The following HCRTR2 variants were observed in gnomAD, a reference collection of about 807,000 sequenced individuals.
HCRTR2 encodes orexin receptor type 2.
In HCRTR2, 22 loss-of-function variants were observed where a neutral mutation model predicts 49.0. That is an observed-to-expected ratio of 0.45 (90% CI 0.32 to 0.64). The LOEUF (loss-of-function observed/expected upper bound fraction) is 0.64. Among genes scored for constraint, HCRTR2 ranks in the 30% least tolerant of loss-of-function variants. The pLI, the probability that HCRTR2 is intolerant of heterozygous loss-of-function variation, is 0.04. For synonymous variants in HCRTR2, 236 were observed against 205.3 expected (o/e 1.15, Z -1.28); for missense variants, 491 against 559.4 (o/e 0.88, Z 1.23).
rs80067024 is a variant in HCRTR2, at chr6:55,140,099, T to C, written c.-378+33554T>C. On this transcript the variant is annotated intron_variant, in intron 1 of 7. Transcript: ENST00000615358. ...TATTCCTGGGCACCCTGACCTCTTA[T>C]TGAGACCAGCTGAAAAGAAAAAGGA... Among the ~76,000 whole-genome samples, 4 of 152,284 alleles carry C rather than the reference T, an allele frequency of 2.6e-5. No individual in the cohort carries two copies. The East Asian group carries it at 7.7e-4, about 29-fold the overall frequency.
intron 1 of HCRTR2, among the ~76,000 whole-genome samples, chr6:55,117,750 C>T (rs1764137784): frequency 8.5e-6 from 1 of 117,490 alleles, no homozygotes. Context: ...AGGTTTTAGC[C>T]AACATGCTGC....
intron 1 of HCRTR2, among the ~76,000 whole-genome samples, chr6:55,119,416 T>A (rs1764164728): frequency 6.6e-6 from 1 of 152,148 alleles, no homozygotes. Flanking sequence ...AAAGCATTCC[T>A]ATTTCTCCAC....
In HCRTR2 at chr6:55,260,951, A is replaced by C. The variant is rs1221540385; in HGVS notation, c.647-2756A>C. Among the ~76,000 whole-genome samples, 3 of 152,324 alleles carry C rather than the reference A, an allele frequency of 2.0e-5. No individual in the cohort carries two copies. In the South Asian group the frequency reaches 6.2e-4, roughly 32 times the overall value. ...TGAAGTAATGAAAAGAATAAAATAC[A>C]TAGAGGTAATAGCATTATTCCTCAA... is the stretch of plus-strand genomic sequence containing the variant. On this transcript the variant is annotated intron_variant, in intron 3 of 6. Coordinates refer to ENST00000370862, the MANE Select transcript of HCRTR2 (RefSeq NM_001384272.1).
chr6:55,205,958 T>C (rs1354139484), intron 1 of HCRTR2, among the ~76,000 whole-genome samples: 1 of 152,076 alleles, frequency 6.6e-6, no homozygotes, highest in Non-Finnish European at 1.5e-5. Context: ...CATAAATATA[T>C]ACATCTACTA....
intron 3 of HCRTR2, among the ~76,000 whole-genome samples, chr6:55,256,058 A>G (rs895917373): frequency 2.0e-5 from 3 of 152,178 alleles, no homozygotes; most frequent in African/African-American, 7.2e-5. Context: ...AAATTCTTAG[A>G]GTCAGTCTGA....
intron 1 of HCRTR2, among the ~76,000 whole-genome samples, chr6:55,135,890 G>A (rs1450254395): frequency 6.6e-6 from 1 of 152,132 alleles, no homozygotes; most frequent in Non-Finnish European, 1.5e-5. Flanking sequence ...AGGAAATTTG[G>A]TGATAACTTG....
chr6:55,246,571 A>G (rs1399790300), intron 1 of HCRTR2, among the ~76,000 whole-genome samples: 1 of 152,062 alleles, frequency 6.6e-6, no homozygotes, highest in Admixed American at 6.6e-5. Flanking sequence ...AGCCCTGTCA[A>G]ATAGAGGTTG....
chr6:55,177,386 T>A (rs2127270758), intron 1 of HCRTR2, among the ~76,000 whole-genome samples: 1 of 152,332 alleles, frequency 6.6e-6, no homozygotes, highest in East Asian at 1.9e-4. Context: ...CACAGACAAC[T>A]TCCTGCTCTT....
chr6:55,229,955 G>A (rs558841211), intron 1 of HCRTR2, among the ~76,000 whole-genome samples: 42 of 152,226 alleles, frequency 2.8e-4, no homozygotes, highest in Admixed American at 2.1e-3. Context: ...TACACACACC[G>A]CTTCACAGGC....
Position 55,174,579 on chromosome 6 carries a change from G to A in HCRTR2, c.-9G>A, listed in dbSNP as rs374161159. 37 of 1,611,358 alleles carry A rather than the reference G, an allele frequency of 2.3e-5. No individual in the cohort carries two copies. The highest frequency in any genetic ancestry group is 2.7e-5 in the Non-Finnish European group (32 of 1,177,724). The stretch of plus-strand genomic sequence containing the variant: ...TGCAGCATTGAGCGGAACCGGACTT[G>A]AGCCCGTGATGTCCGGCACCAAATT... On this transcript the variant is annotated 5_prime_UTR_variant, in exon 1 of 7. Transcript: ENST00000370862.
intron 1 of HCRTR2, among the ~76,000 whole-genome samples, chr6:55,152,948 C>A (rs1031047071): frequency 1.3e-5 from 2 of 151,952 alleles, no homozygotes; most frequent in African/African-American, 2.4e-5. Flanking sequence ...GGTGTCATAT[C>A]CAAGAAATCA....
At chr6:55,152,377 T>A (rs1168947843) in intron 1 of HCRTR2, among the ~76,000 whole-genome samples, 1 of 152,032 alleles carries the variant, frequency 6.6e-6, no homozygotes. Context: ...TATGTTTTCT[T>A]GAAAAATTAT....
chr6:55,147,273 A>G (rs1764607853), intron 1 of HCRTR2, among the ~76,000 whole-genome samples: 1 of 152,134 alleles, frequency 6.6e-6, no homozygotes, highest in Non-Finnish European at 1.5e-5. Flanking sequence ...ATATTTTACC[A>G]AAAATCTACG....
At chr6:55,176,132 T>C (rs1765035938) in intron 1 of HCRTR2, among the ~76,000 whole-genome samples, 1 of 152,194 alleles carries the variant, frequency 6.6e-6, no homozygotes, top group Non-Finnish European at 1.5e-5. Flanking sequence ...GTAGAAATCA[T>C]CCCGAGTAGT....
rs1270513064 is a variant in HCRTR2 at position 55,229,555 on chromosome 6, A to G, written c.224-19084A>G. ...ATACAATGGAATATTATTCAGCCTT[A>G]AAAAAGAAGGGTATCTTTCTGAATG... On this transcript the variant is annotated intron_variant, in intron 1 of 6. Coordinates refer to ENST00000370862, the MANE Select transcript of HCRTR2 (RefSeq NM_001384272.1). Among the ~76,000 whole-genome samples the G allele has an allele frequency of 3.3e-5, 5 of 152,222 alleles. 1 individual carries two copies. The highest frequency in any genetic ancestry group is 5.9e-5 in the Non-Finnish European group (4 of 68,038).
At chr6:55,181,419 CA>C (rs1765132208) in intron 1 of HCRTR2, among the ~76,000 whole-genome samples, 1 of 151,892 alleles carries the variant, frequency 6.6e-6, no homozygotes, top group African/African-American at 2.4e-5. Flanking sequence ...CTTTCATAAA[CA>C]AAAAACAAAT....
intron 1 of HCRTR2, among the ~76,000 whole-genome samples, chr6:55,202,064 A>T (rs1765521798): frequency 6.6e-6 from 1 of 152,204 alleles, no homozygotes; most frequent in African/African-American, 2.4e-5. Context: ...AGTAGAGGTA[A>T]GTTCAAGGTT....
intron 5 of HCRTR2, among the ~76,000 whole-genome samples, chr6:55,279,851 A>T (rs565833932): frequency 6.6e-6 from 1 of 152,202 alleles, no homozygotes; most frequent in African/African-American, 2.4e-5. Flanking sequence ...CCAGAAGGCA[A>T]GTTTCAGATA....
chr6:55,199,613 C>T (rs1765475100), intron 1 of HCRTR2, among the ~76,000 whole-genome samples: 1 of 151,976 alleles, frequency 6.6e-6, no homozygotes, highest in African/African-American at 2.4e-5. Flanking sequence ...AAGGTGAAAA[C>T]AAAATGCAGT....
Sources: gnomAD v4.1 joint callset for allele counts (sites outside exome capture counted in the v4.1 genomes callset) on GRCh38, gnomAD v4.1.1 for gene constraint, MANE v1.5 for transcripts, NCBI Gene and HGNC (gene_info 2026-07-23, HGNC 2026-07-21) for gene names.